The following NLGN1 variants were observed in gnomAD, a reference collection of about 807,000 sequenced individuals.
NLGN1 encodes the protein neuroligin-1.
A neutral mutation model predicts 65.5 loss-of-function variants in NLGN1; 12 were observed. The observed-to-expected ratio is 0.18, with a 90% confidence interval of 0.12 to 0.30. The LOEUF is 0.30. NLGN1 is among the 10% of genes least tolerant of loss of function. The probability of loss-of-function intolerance (pLI) is 1.00; values close to 1 mark genes in which losing one functional copy is unlikely to be tolerated. For synonymous variants in NLGN1, 350 were observed against 359.5 expected (o/e 0.97, Z 0.30); for missense variants, 750 against 1,007.1 (o/e 0.74, Z 3.46).
rs144845422 is a variant in NLGN1 at position 174,090,111 on chromosome 3, CAA to C, written c.647-185202_647-185201del. Reference sequence around the variant, plus strand: ...ATCACTTTTTCTGTATGTGAACCAGCAAAGTGTTCTGTTTACCTAATGTAAAT... The same window carrying C: ...ATCACTTTTTCTGTATGTGAACCAGCAGTGTTCTGTTTACCTAATGTAAAT... On this transcript the variant is annotated intron_variant, in intron 4 of 6. Transcript: ENST00000457714. Among the ~76,000 whole-genome samples the C allele has an allele frequency of 2.6e-3, 402 of 152,086 alleles. 1 individual carries two copies. The highest frequency in any genetic ancestry group is 9.2e-3 in the African/African-American group (383 of 41,486).
intron 3 of NLGN1, among the ~76,000 whole-genome samples, chr3:173,771,150 T>G (rs1318306354): frequency 6.6e-6 from 1 of 152,220 alleles, no homozygotes; most frequent in Non-Finnish European, 1.5e-5. Context: ...ATTTTGCTTC[T>G]ATTACTTCTA....
At chr3:173,830,152 C>T (rs1722246875) in intron 4 of NLGN1, among the ~76,000 whole-genome samples, 1 of 152,042 alleles carries the variant, frequency 6.6e-6, no homozygotes, top group African/African-American at 2.4e-5. Context: ...TGCACACATC[C>T]CAGTATGTAT....
At chr3:173,449,255 A>G (rs1422287876) in intron 2 of NLGN1, among the ~76,000 whole-genome samples, 3 of 152,060 alleles carry the variant, frequency 2.0e-5, no homozygotes, top group African/African-American at 7.2e-5. Flanking sequence ...AGATTCTGGT[A>G]TGTTATGTCT....
chr3:173,827,650 TGTGTGTGTGTG>T (rs1721626474), intron 4 of NLGN1, among the ~76,000 whole-genome samples: 1 of 151,204 alleles, frequency 6.6e-6, no homozygotes, highest in Admixed American at 6.6e-5. Flanking sequence ...TGTGTGTGTG[TGTGTGTGTGTG>T]TGTGAATGAG....
chr3:174,146,371 T>C (rs1478782462), intron 4 of NLGN1, among the ~76,000 whole-genome samples: 1 of 152,076 alleles, frequency 6.6e-6, no homozygotes, highest in Non-Finnish European at 1.5e-5. Flanking sequence ...AAAATAGCAA[T>C]AGCACACACA....
rs541714511 is a variant in NLGN1 at position 174,206,855 on chromosome 3, G to C, written c.647-68460G>C. Among the ~76,000 whole-genome samples the C allele has an allele frequency of 9.9e-5, 15 of 152,196 alleles. No individual in the cohort carries two copies. In the East Asian group the frequency reaches 2.7e-3, roughly 28 times the overall value. On this transcript the variant is annotated intron_variant, in intron 4 of 6. Coordinates refer to ENST00000457714, the Ensembl canonical transcript of NLGN1. ...GTTTACCCAGCAAAACCCAGCGCAG[G>C]GTCTGGCAAAATGTAGACAGACTCT...
chr3:173,519,727 A>G (rs1355615384), intron 2 of NLGN1, among the ~76,000 whole-genome samples: 2 of 147,444 alleles, frequency 1.4e-5, no homozygotes, highest in Non-Finnish European at 3.0e-5. Flanking sequence ...TTTTTATTTT[A>G]CACCCTTTTA....
chr3:173,739,678 A>G (rs1369255635), intron 3 of NLGN1, among the ~76,000 whole-genome samples: 1 of 152,118 alleles, frequency 6.6e-6, no homozygotes, highest in East Asian at 1.9e-4. Context: ...AAATGACTCT[A>G]TTTGGAAAAT....
chr3:173,582,577 A>G (rs1257093487), intron 2 of NLGN1, among the ~76,000 whole-genome samples: 1 of 151,950 alleles, frequency 6.6e-6, no homozygotes, highest in Non-Finnish European at 1.5e-5. Context: ...TCAGATGCTT[A>G]TTGGACATTG....
intron 3 of NLGN1, among the ~76,000 whole-genome samples, chr3:173,743,395 C>G (rs13064841): frequency 0.58 from 87,481 of 151,674 alleles, 25,408 homozygotes; most frequent in East Asian, 0.74. Flanking sequence ...GACAAATACA[C>G]CATTTACTCT....
intron 2 of NLGN1, among the ~76,000 whole-genome samples, chr3:173,574,734 G>T (rs976531664): frequency 6.6e-6 from 1 of 152,120 alleles, no homozygotes; most frequent in Non-Finnish European, 1.5e-5. Context: ...TAGAATGATT[G>T]TTCAACTTTT....
chr3:174,038,096 G>A (rs1225434856), intron 4 of NLGN1, among the ~76,000 whole-genome samples: 1 of 150,608 alleles, frequency 6.6e-6, no homozygotes, highest in African/African-American at 2.4e-5. Flanking sequence ...TGAAGAATAT[G>A]AGCTAAAATA....
chr3:173,399,373 G>A (rs1444095435), intron 1 of NLGN1, among the ~76,000 whole-genome samples: 1 of 152,144 alleles, frequency 6.6e-6, no homozygotes, highest in Non-Finnish European at 1.5e-5. Context: ...TTTAGTTCCC[G>A]TCCTTCCCAT....
intron 4 of NLGN1, among the ~76,000 whole-genome samples, chr3:173,815,405 C>G (rs1300982642): frequency 2.0e-5 from 3 of 152,172 alleles, no homozygotes; most frequent in Non-Finnish European, 4.4e-5. Flanking sequence ...CCGCACCCAG[C>G]CCCATTTCTT....
intron 4 of NLGN1, among the ~76,000 whole-genome samples, chr3:174,171,487 G>T (rs1051516567): frequency 1.3e-5 from 2 of 152,066 alleles, no homozygotes; most frequent in African/African-American, 4.8e-5. Context: ...AGAAAAACAT[G>T]ATCTAGAATA....
chr3:173,700,484 G>T (rs1362945142), intron 3 of NLGN1, among the ~76,000 whole-genome samples: 1 of 152,194 alleles, frequency 6.6e-6, no homozygotes, highest in East Asian at 1.9e-4. Context: ...ACTGTATGAA[G>T]AAAGCTGAAC....
chr3:173,886,373 A>G (rs1463153496), intron 4 of NLGN1, among the ~76,000 whole-genome samples: 1 of 152,120 alleles, frequency 6.6e-6, no homozygotes, highest in Non-Finnish European at 1.5e-5. Flanking sequence ...CAAATGTGAA[A>G]AAACGTTTAA....
chr3:173,525,320 T>C (rs1363559322), intron 2 of NLGN1, among the ~76,000 whole-genome samples: 2 of 152,014 alleles, frequency 1.3e-5, no homozygotes, highest in Non-Finnish European at 2.9e-5. Flanking sequence ...ATTCAGGATT[T>C]CTATTTTTTT....
At chr3:173,875,388 A>G (rs1040134729) in intron 4 of NLGN1, among the ~76,000 whole-genome samples, 1 of 152,158 alleles carries the variant, frequency 6.6e-6, no homozygotes, top group Non-Finnish European at 1.5e-5. Flanking sequence ...CTTTTAGTCT[A>G]TTCATTTGTA....
Sources: allele counts gnomAD v4.1 joint callset (sites outside exome capture counted in the v4.1 genomes callset), GRCh38; gene constraint gnomAD v4.1.1; transcripts MANE v1.5; gene names NCBI Gene and HGNC (gene_info 2026-07-23, HGNC 2026-07-21).